Variants in PLXNA4 observed in about 807,000 individuals in gnomAD.
The protein encoded by PLXNA4 is plexin-A4.
In PLXNA4, 44 loss-of-function variants were observed where a neutral mutation model predicts 191.8. The observed-to-expected ratio is 0.23, with a 90% CI of 0.18 to 0.29. The LOEUF is 0.29. PLXNA4 is among the 10% of genes least tolerant of loss of function. The probability of loss-of-function intolerance (pLI) is 1.00; values close to 1 mark genes in which losing one functional copy is unlikely to be tolerated. For synonymous variants in PLXNA4, 1,082 were observed against 1,009.5 expected, an observed-to-expected ratio of 1.07 and a Z score of -1.36; for missense variants, 1,800 against 2,488.8, an observed-to-expected ratio of 0.72 and a Z score of 5.89.
intron 5 of PLXNA4, among the ~76,000 whole-genome samples, chr7:132,237,455 C>T (rs1339601369): frequency 1.3e-5 from 2 of 152,124 alleles, no homozygotes; most frequent in African/African-American, 2.4e-5. Flanking sequence ...TTATAGTTGC[C>T]AGGGGGCTCT....
intron 3 of PLXNA4, among the ~76,000 whole-genome samples, chr7:132,441,546 C>T (rs1487962392): frequency 6.6e-6 from 1 of 152,212 alleles, no homozygotes; most frequent in East Asian, 1.9e-4. Flanking sequence ...AGGACATTGC[C>T]CACAGATCCC....
At chr7:132,328,911 G>A (rs1802481568) in intron 3 of PLXNA4, among the ~76,000 whole-genome samples, 1 of 152,202 alleles carries the variant, frequency 6.6e-6, no homozygotes, top group South Asian at 2.1e-4. Context: ...AGCCACCAAG[G>A]ATGTCCCATC....
chr7:132,426,172 C>A (rs1438936512), intron 3 of PLXNA4, among the ~76,000 whole-genome samples: 1 of 152,162 alleles, frequency 6.6e-6, no homozygotes, highest in Non-Finnish European at 1.5e-5. Context: ...TGCGGCCAAG[C>A]AAGAGAAGAT....
chr7:132,149,816 C>A (rs1278512661), intron 25 of PLXNA4, among the ~76,000 whole-genome samples: 1 of 152,208 alleles, frequency 6.6e-6, no homozygotes, highest in Non-Finnish European at 1.5e-5. Context: ...TGTTCAGATT[C>A]TCTTCCTCGT....
intron 14 of PLXNA4, among the ~76,000 whole-genome samples, chr7:132,187,874 A>C (rs1179432113): frequency 6.6e-6 from 1 of 152,164 alleles, no homozygotes; most frequent in Middle Eastern, 3.2e-3. Flanking sequence ...CATCTTCATA[A>C]TTATACATGT....
chr7:132,571,873 T>G (rs1268629702), intron 1 of PLXNA4, among the ~76,000 whole-genome samples: 1 of 152,112 alleles, frequency 6.6e-6, no homozygotes, highest in African/African-American at 2.4e-5. Flanking sequence ...AAAATGGGAA[T>G]TGCCAAATGA....
intron 3 of PLXNA4, among the ~76,000 whole-genome samples, chr7:132,479,846 C>T (rs1797270649): frequency 6.6e-6 from 1 of 151,956 alleles, no homozygotes; most frequent in Non-Finnish European, 1.5e-5. Context: ...TTAGTAGAGA[C>T]AGGGTTTTGC....
chr7:132,184,778 A>G (rs1041085831), intron 16 of PLXNA4, among the ~76,000 whole-genome samples: 1 of 152,130 alleles, frequency 6.6e-6, no homozygotes, highest in African/African-American at 2.4e-5. Context: ...ACCCTTGAGG[A>G]GTTTACAGCA....
chr7:132,226,228 A>C lies in PLXNA4; in HGVS notation c.1915T>G (p.Ser639Ala), dbSNP rs201667935. 2.0e-4 allele frequency: 321 copies of C among 1,613,706 alleles called. No individual in the cohort carries two copies. The highest frequency in any genetic ancestry group is 2.4e-4 in the Non-Finnish European group (289 of 1,179,956). The change falls in exon 8 of 32, where the codon TCA becomes GCA. Residue 639 changes from serine to alanine, a missense_variant. Transcript: ENST00000321063. ...GCGAAGGTCATGCCGGTCTCCTTTG[A>C]TTTGAGCTGAAGCTGTACGACATGG... is the stretch of plus-strand genomic sequence containing the variant. ...DHHVVQLQLK[S>A]KETGMTFAST...
chr7:132,562,985 T>TCCCTCCTCCTCCTTCTC (rs1563175152), intron 1 of PLXNA4, among the ~76,000 whole-genome samples: 1 of 7,594 alleles, frequency 1.3e-4, no homozygotes. Context: ...TCCTCCTCCT[T>TCCCTCCTCCTCCTTCTC]CTCCTCCTCC....
chr7:132,518,013 T>C (rs1585261357), intron 1 of PLXNA4, among the ~76,000 whole-genome samples: 1 of 152,228 alleles, frequency 6.6e-6, no homozygotes, highest in Admixed American at 6.5e-5. Flanking sequence ...TACTTTAAAC[T>C]CTTGGTTTCT....
chr7:132,257,202 C>T (rs1449793197), intron 4 of PLXNA4, among the ~76,000 whole-genome samples: 1 of 152,240 alleles, frequency 6.6e-6, no homozygotes, highest in East Asian at 1.9e-4. Context: ...CTGTAACTCT[C>T]TCGTGATGAG....
intron 24 of PLXNA4, 41 bp from the exon 25 acceptor site, chr7:132,159,673 A>G (rs202031703): frequency 5.0e-6 from 8 of 1,608,730 alleles, no homozygotes. Context: ...GAAATGGGGT[A>G]GCAGGAAAAG....
chr7:132,381,611 C>A (rs536538915), intron 3 of PLXNA4, among the ~76,000 whole-genome samples: 14 of 152,222 alleles, frequency 9.2e-5, no homozygotes, highest in Admixed American at 3.3e-4. Context: ...CTGGAAACAT[C>A]TGGCATGGAT....
intron 2 of PLXNA4, among the ~76,000 whole-genome samples, chr7:132,492,036 G>A (rs1013607835): frequency 3.9e-5 from 6 of 152,168 alleles, no homozygotes; most frequent in East Asian, 1.9e-4. Flanking sequence ...CAAGGAGTTC[G>A]CATCCCCAAA....
intron 1 of PLXNA4, among the ~76,000 whole-genome samples, chr7:132,534,381 G>A (rs1799748045): frequency 6.6e-6 from 1 of 152,118 alleles, no homozygotes. Flanking sequence ...TGAAACAGCA[G>A]CAACTTCCAA....
At chr7:132,452,760 G>A (rs1373346652) in intron 3 of PLXNA4, among the ~76,000 whole-genome samples, 1 of 152,218 alleles carries the variant, frequency 6.6e-6, no homozygotes, top group East Asian at 1.9e-4. Flanking sequence ...ATCAGTGCAA[G>A]GGCTCAGAGA....
intron 1 of PLXNA4, among the ~76,000 whole-genome samples, chr7:132,521,177 T>TA (rs143452224): frequency 0.055 from 6,299 of 115,480 alleles, 585 homozygotes; most frequent in African/African-American, 0.16. Context: ...ATTTGCTCCT[T>TA]GAAAAAAAAA....
At chr7:132,172,771 A>ATAAT (rs879521032) in intron 21 of PLXNA4, among the ~76,000 whole-genome samples, 8 of 151,390 alleles carry the variant, frequency 5.3e-5, no homozygotes, top group Non-Finnish European at 1.0e-4. Flanking sequence ...AATAATAATA[A>ATAAT]TAATAATAAT....
Sources: gnomAD v4.1 joint callset for allele counts (sites outside exome capture counted in the v4.1 genomes callset) on GRCh38, gnomAD v4.1.1 for gene constraint, MANE v1.5 for transcripts, NCBI Gene and HGNC (gene_info 2026-07-23, HGNC 2026-07-21) for gene names.